Variants in THOC2 observed in about 807,000 individuals in gnomAD.
THOC2 encodes THO complex 2.
A neutral mutation model predicts 128.4 loss-of-function variants in THOC2; 10 were observed. That is an observed-to-expected ratio of 0.08 (90% CI 0.05 to 0.13). The LOEUF is 0.13. THOC2 is among the 10% of genes least tolerant of loss of function. The pLI, the probability that THOC2 is intolerant of heterozygous loss-of-function variation, is 1.00. For synonymous variants in THOC2, 393 were observed against 396.9 expected (o/e 0.99, Z 0.12); for missense variants, 535 against 1,155.7 (o/e 0.46, Z 7.79).
At chrX:123,621,931 G>C (rs187882390) in intron 30 of THOC2, among the ~76,000 whole-genome samples, 231 of 110,744 alleles carry the variant, frequency 2.1e-3, no homozygotes, top group African/African-American at 7.2e-3. Context: ...TGTAATCCCA[G>C]CTACTCTGGA....
At chrX:123,720,122 G>A (rs925977988) in intron 1 of THOC2, among the ~76,000 whole-genome samples, 1 of 108,732 alleles carries the variant, frequency 9.2e-6, no homozygotes, top group Non-Finnish European at 1.9e-5. Context: ...CTCCAGCCTA[G>A]GCAACAGAGT....
intron 18 of THOC2, among the ~76,000 whole-genome samples, chrX:123,637,409 G>A (rs753421850): frequency 2.7e-5 from 3 of 111,432 alleles, no homozygotes; most frequent in Non-Finnish European, 5.7e-5. Flanking sequence ...AGGATGGAAT[G>A]GGAAGAAATG....
At chrX:123,658,104 T>C (rs1449370745) in intron 12 of THOC2, among the ~76,000 whole-genome samples, 2 of 109,278 alleles carry the variant, frequency 1.8e-5, no homozygotes, top group African/African-American at 6.7e-5. Context: ...TGAAGCAAAA[T>C]AGTGTGTTTG....
At chrX:123,649,754 G>GA (rs919309194) in intron 12 of THOC2, among the ~76,000 whole-genome samples, 3 of 110,992 alleles carry the variant, frequency 2.7e-5, no homozygotes, top group Middle Eastern at 4.6e-3. Context: ...CAAGATTAGA[G>GA]AAAAAAGAAT....
At chrX:123,725,975 G>A (rs1042995480) in intron 1 of THOC2, among the ~76,000 whole-genome samples, 7 of 111,584 alleles carry the variant, frequency 6.3e-5, no homozygotes, top group East Asian at 2.8e-4. Flanking sequence ...TTAAGAGGCC[G>A]AGGAGGGCAG....
At position 123,632,990 on chromosome X, in the gene THOC2, T is replaced by C. The variant is rs1261191240; in HGVS notation, c.2187A>G (p.Leu729=). 8.3e-7 allele frequency: 1 copy of C among 1,210,732 alleles called. No homozygotes were observed. ...GATCATGGTCCAATAGAGCATCCTT[T>C]AATCTCTGAGAGGATTTTTTAGTGT... ...IRNTKKSSQR[L]KDALLDHDLA... is the part of the protein sequence containing the mutation. The change falls in exon 21 of 39, where the codon TTA becomes TTG. Residue 729 remains leucine (L), a synonymous_variant. Transcript: ENST00000245838.
In THOC2 at chrX:123,623,166, C is replaced by A; in HGVS notation, c.3621G>T (p.Gly1207=). 8.3e-7 allele frequency: 1 copy of A among 1,211,232 alleles called. No homozygotes were observed. Among genetic ancestry groups the A allele is most frequent in the Non-Finnish European group, 1.1e-6 (1 of 895,128 alleles). Residue 1207 remains glycine, a synonymous_variant, in exon 29 of 39, where the codon GGG becomes GGT. Transcript: ENST00000245838. Reference sequence around the variant, plus strand: ...CACTTCCTATTGATGATGAAGAAGGCCCACCACCAGGCCCATTTTGCACAC... The same window carrying A: ...CACTTCCTATTGATGATGAAGAAGGACCACCACCAGGCCCATTTTGCACAC... ...VASVQNGPGG[G]PSSSSIGSAS...
At chrX:123,706,653 A>G (rs1180263460) in intron 3 of THOC2, among the ~76,000 whole-genome samples, 1 of 109,678 alleles carries the variant, frequency 9.1e-6, no homozygotes, top group East Asian at 2.9e-4. Flanking sequence ...CTGTCTGGCA[A>G]AAATGGGTTA....
chrX:123,614,351 T>C (rs1232714384), intron 33 of THOC2, among the ~76,000 whole-genome samples, 162 bp from the exon 34 acceptor site: 1 of 111,371 alleles, frequency 9.0e-6, no homozygotes. Context: ...GCACAAATTA[T>C]ACAAAGGCTT....
intron 12 of THOC2, among the ~76,000 whole-genome samples, chrX:123,662,515 G>A (rs1465373404): frequency 1.9e-5 from 2 of 106,328 alleles, no homozygotes; most frequent in Non-Finnish European, 3.9e-5. Flanking sequence ...GTGAACCAGG[G>A]AGGCGGAGCT....
rs1383713265 is a variant in THOC2 at position 123,627,780 on chromosome X, A to G, written c.2670T>C (p.Tyr890=). 2 of 1,211,645 alleles carry G rather than the reference A, an allele frequency of 1.7e-6. No individual in the cohort carries two copies. Among genetic ancestry groups the G allele is most frequent in the Admixed American group, 4.3e-5 (2 of 46,042 alleles). Residue 890 remains tyrosine, a synonymous_variant, in exon 23 of 39, where the codon TAT becomes TAC. Coordinates refer to ENST00000245838, the MANE Select transcript of THOC2 (RefSeq NM_001081550.2). ...AGCTGGTGTGTGGAACTGCAAGGTCATACATTGTCAATGACCAGAATGTAG... is the reference window on the plus strand; with the variant it reads ...AGCTGGTGTGTGGAACTGCAAGGTCGTACATTGTCAATGACCAGAATGTAG... ...FYATFWSLTM[Y]DLAVPHTSYE...
At chrX:123,722,647 G>A (rs767234780) in intron 1 of THOC2, among the ~76,000 whole-genome samples, 2 of 110,066 alleles carry the variant, frequency 1.8e-5, no homozygotes, top group Admixed American at 9.7e-5. Context: ...ATGACAGGTT[G>A]ATAGGTGCAG....
At chrX:123,695,970 T>C (rs1365672440) in intron 7 of THOC2, 51 bp downstream of exon 7, 3 of 895,971 alleles carry the variant, frequency 3.3e-6, no homozygotes, top group Non-Finnish European at 4.6e-6. Flanking sequence ...CTCCAATAGC[T>C]AAAATAACTT....
intron 7 of THOC2, among the ~76,000 whole-genome samples, chrX:123,688,748 T>A (rs962453905): frequency 1.8e-5 from 2 of 111,441 alleles, no homozygotes; most frequent in Non-Finnish European, 3.8e-5. Flanking sequence ...TGTATACATA[T>A]GTTAAAACTC....
intron 22 of THOC2, 39 bp from the exon 23 acceptor site, chrX:123,628,007 C>T: frequency 9.6e-7 from 1 of 1,044,097 alleles, no homozygotes; most frequent in South Asian, 2.2e-5. Flanking sequence ...TACATACACA[C>T]ACAACATAAT....
Position 123,615,969 on chromosome X carries a change from C to A in THOC2, c.4312-1780G>T, listed in dbSNP as rs763302876. Among the ~76,000 whole-genome samples, 11 of 111,144 alleles carry A rather than the reference C, an allele frequency of 9.9e-5. No individual in the cohort carries two copies. The East Asian group carries it at 2.8e-3, about 28-fold the overall frequency. On this transcript the variant is annotated intron_variant, in intron 33 of 38. Transcript: ENST00000245838. ...TAGTTTAGGCATTCCAAACTCTCCACCATCTTTTCACAATTATATCCTGCT... is the reference window on the plus strand; with the variant it reads ...TAGTTTAGGCATTCCAAACTCTCCAACATCTTTTCACAATTATATCCTGCT...
chrX:123,613,034 TGGTC>T (rs1215485259), intron 36 of THOC2, among the ~76,000 whole-genome samples: 2 of 111,837 alleles, frequency 1.8e-5, no homozygotes, highest in African/African-American at 6.5e-5. Flanking sequence ...GATGCTATGA[TGGTC>T]AGAGAGAATA....
chrX:123,633,916 A>AT, intron 20 of THOC2, 37 bp downstream of exon 20: 1 of 909,454 alleles, frequency 1.1e-6, no homozygotes, highest in Non-Finnish European at 1.6e-6. Context: ...TACATTATGA[A>AT]TTTTAAAAGT....
chrX:123,667,854 T>A (rs1159017907), intron 10 of THOC2, among the ~76,000 whole-genome samples: 2 of 110,948 alleles, frequency 1.8e-5, no homozygotes, highest in African/African-American at 6.5e-5. Context: ...GAATTCATCA[T>A]CTCTGAGAAT....
Sources: allele counts gnomAD v4.1 joint callset (sites outside exome capture counted in the v4.1 genomes callset), GRCh38; gene constraint gnomAD v4.1.1; transcripts MANE v1.5; gene names NCBI Gene and HGNC (gene_info 2026-07-23, HGNC 2026-07-21).